Variants in ARB2A observed in about 807,000 individuals in gnomAD.
ARB2A encodes the protein ARB2 cotranscriptional regulator A.
chr5:93,861,156 A>C, the ARB2A span: 1 of 152,260 alleles, frequency 6.6e-6, no homozygotes, highest in Non-Finnish European at 1.5e-5. Context: ...TTTTATTTCT[A>C]ATGTTAAACT....
the ARB2A span, among the ~76,000 whole-genome samples, chr5:93,814,696 G>A: frequency 6.6e-6 from 1 of 152,166 alleles, no homozygotes; most frequent in Non-Finnish European, 1.5e-5. Flanking sequence ...TGAGGCCAGA[G>A]ACCATGTGTT....
chr5:93,682,499 A>G, the ARB2A span, among the ~76,000 whole-genome samples: 42 of 151,578 alleles, frequency 2.8e-4, no homozygotes, highest in Non-Finnish European at 5.5e-4. Context: ...TGATTAGGCA[A>G]AAAGTTTTTT....
chr5:94,038,477 T>G, the ARB2A span, among the ~76,000 whole-genome samples: 1 of 152,128 alleles, frequency 6.6e-6, no homozygotes, highest in South Asian at 2.1e-4. Context: ...AAGCTCTATG[T>G]GGATAGTATA....
At chr5:94,019,439 T>C in the ARB2A span, among the ~76,000 whole-genome samples, 1 of 151,782 alleles carries the variant, frequency 6.6e-6, no homozygotes, top group Non-Finnish European at 1.5e-5. Context: ...AACTTAAACT[T>C]ACAAGAAAAA....
chr5:93,743,515 T>C, the ARB2A span: 15 of 983,124 alleles, frequency 1.5e-5, no homozygotes, highest in Admixed American at 6.1e-5. Flanking sequence ...TGCTGGTATC[T>C]ATTCTCTTGA....
At chr5:94,100,896 G>A in the ARB2A span, among the ~76,000 whole-genome samples, 1 of 152,158 alleles carries the variant, frequency 6.6e-6, no homozygotes, top group Middle Eastern at 3.4e-3. Context: ...TCCTGACAAA[G>A]ATACCAAAAG....
chr5:93,648,797 T>C, the ARB2A span, among the ~76,000 whole-genome samples: 7 of 152,362 alleles, frequency 4.6e-5, no homozygotes, highest in South Asian at 1.4e-3. Context: ...ACAAGCTATT[T>C]AACTTTAATT....
the ARB2A span, among the ~76,000 whole-genome samples, chr5:93,867,060 T>C: frequency 2.0e-5 from 3 of 152,270 alleles, no homozygotes; most frequent in East Asian, 3.9e-4. Flanking sequence ...TTCTCAATAA[T>C]AGCTAAACAG....
At chr5:93,927,002 C>T in the ARB2A span, among the ~76,000 whole-genome samples, 3 of 148,360 alleles carry the variant, frequency 2.0e-5, no homozygotes, top group East Asian at 2.0e-4. Context: ...GAGAAAAAGG[C>T]TCATCCCAAA....
the ARB2A span, among the ~76,000 whole-genome samples, chr5:94,110,300 T>G: frequency 1.3e-5 from 2 of 152,256 alleles, no homozygotes; most frequent in Non-Finnish European, 2.9e-5. Context: ...TTTACTGCTG[T>G]CTTCCCATCA....
the ARB2A span, among the ~76,000 whole-genome samples, chr5:94,009,734 T>C: frequency 6.6e-6 from 1 of 152,028 alleles, no homozygotes; most frequent in African/African-American, 2.4e-5. Flanking sequence ...ATTTGGGTTA[T>C]CTATAGCATT....
the ARB2A span, among the ~76,000 whole-genome samples, chr5:93,872,744 C>G: frequency 1.3e-5 from 2 of 151,742 alleles, no homozygotes; most frequent in African/African-American, 4.8e-5. Flanking sequence ...AGTGATACCC[C>G]GTCTCTACTA....
At chr5:93,723,903 T>C in the ARB2A span, among the ~76,000 whole-genome samples, 8 of 152,194 alleles carry the variant, frequency 5.3e-5, no homozygotes, top group African/African-American at 1.7e-4. Context: ...TGTAAATTAC[T>C]CTGTAACATT....
At chr5:93,987,340 C>G in the ARB2A span, among the ~76,000 whole-genome samples, 1 of 152,038 alleles carries the variant, frequency 6.6e-6, no homozygotes, top group Admixed American at 6.6e-5. Context: ...TAATATTATT[C>G]AATAATATCA....
chr5:94,106,714 ATGGAATCAACCTACATACCCATCAACAG>A, the ARB2A span, among the ~76,000 whole-genome samples: 1 of 152,038 alleles, frequency 6.6e-6, no homozygotes, highest in African/African-American at 2.4e-5. Context: ...AAGCAAAGAC[ATGGAATCAACCTACATACCCATCAACAG>A]TGGACTGAAC....
the ARB2A span, among the ~76,000 whole-genome samples, chr5:93,804,436 AAT>A: frequency 2.0e-5 from 3 of 151,948 alleles, no homozygotes; most frequent in African/African-American, 7.2e-5. Flanking sequence ...ATGCATTTTT[AAT>A]AGACTCTTAT....
chr5:93,929,887 A>T, the ARB2A span, among the ~76,000 whole-genome samples: 1 of 152,212 alleles, frequency 6.6e-6, no homozygotes, highest in African/African-American at 2.4e-5. Flanking sequence ...CAGACTAGCA[A>T]GTATTGCAAG....
chr5:93,693,995 C>T, the ARB2A span, among the ~76,000 whole-genome samples: 1 of 152,118 alleles, frequency 6.6e-6, no homozygotes, highest in African/African-American at 2.4e-5. Flanking sequence ...TTCAACACCC[C>T]TTCATGCTAA....
the ARB2A span, among the ~76,000 whole-genome samples, chr5:94,081,030 T>C: frequency 6.6e-6 from 1 of 152,192 alleles, no homozygotes; most frequent in Non-Finnish European, 1.5e-5. Flanking sequence ...GTGGGCAGAT[T>C]ATATAAGTAT....
Sources: allele counts gnomAD v4.1 joint callset (sites outside exome capture counted in the v4.1 genomes callset), GRCh38; gene constraint gnomAD v4.1.1; transcripts MANE v1.5; gene names NCBI Gene and HGNC (gene_info 2026-07-23, HGNC 2026-07-21).